ATRN: variants seen among roughly 807,000 people sequenced by gnomAD.
ATRN encodes attractin, also known as attractin-2.
In ATRN, 54 loss-of-function variants were observed where a neutral mutation model predicts 178.7. The observed-to-expected ratio is 0.30, with a 90% CI of 0.24 to 0.38. ATRN has a LOEUF of 0.38. ATRN is among the 10% of genes least tolerant of loss of function. The pLI, the probability that ATRN is intolerant of heterozygous loss-of-function variation, is 1.00. For missense variants in ATRN, 1,443 were observed against 1,815.1 expected (o/e 0.79, Z 3.73); for synonymous variants, 636 against 663.0 (o/e 0.96, Z 0.63).
At chr20:3,487,875 G>A (rs901283210) in intron 1 of ATRN, among the ~76,000 whole-genome samples, 1 of 152,128 alleles carries the variant, frequency 6.6e-6, no homozygotes, top group Non-Finnish European at 1.5e-5. Context: ...TTGCTTTTCT[G>A]TGCCTAAGAG....
At chr20:3,636,894 AC>A (rs1186692476) in intron 26 of ATRN, among the ~76,000 whole-genome samples, 1 of 152,234 alleles carries the variant, frequency 6.6e-6, no homozygotes, top group Non-Finnish European at 1.5e-5. Flanking sequence ...AAGTGTTGTT[AC>A]TATTGGAAAG....
intron 6 of ATRN, among the ~76,000 whole-genome samples, chr20:3,553,093 T>C (rs1008634454): frequency 6.6e-6 from 1 of 152,220 alleles, no homozygotes. Context: ...TCTGACACGA[T>C]AGGTCATATC....
Position 3,478,318 on chromosome 20 carries a change from C to T in ATRN, c.410+6801C>T, listed in dbSNP as rs187685766. On this transcript the variant is annotated intron_variant, in intron 1 of 28. Transcript: ENST00000262919. The stretch of plus-strand genomic sequence containing the variant: ...CCAACCACTGATGGGCTATCCAGCC[C>T]ATCAGTGATAGACTGGATAAAGAAA... 2.0e-3 allele frequency among the ~76,000 whole-genome samples: 305 copies of T among 152,252 alleles called. 1 individual carries two copies. The highest frequency in any genetic ancestry group is 7.1e-3 in the African/African-American group (294 of 41,538).
At chr20:3,575,783 C>T in intron 12 of ATRN, 44 bp from the exon 13 acceptor site, 1 of 1,556,138 alleles carries the variant, frequency 6.4e-7, no homozygotes, top group Non-Finnish European at 8.7e-7. Context: ...AGATTTTGCT[C>T]AATTGAAGTT....
chr20:3,528,848 T>C (rs2085410888), intron 1 of ATRN, among the ~76,000 whole-genome samples: 1 of 152,186 alleles, frequency 6.6e-6, no homozygotes, highest in African/African-American at 2.4e-5. Context: ...TTTCTCCCTC[T>C]GTCATCCAAG....
In ATRN at chr20:3,649,930, A is replaced by G. The variant is rs1465094052; in HGVS notation, c.*3083A>G. On this transcript the variant is annotated 3_prime_UTR_variant, in exon 29 of 29. Transcript: ENST00000262919. Reference sequence around the variant, plus strand: ...CCCATTTCCCCATGGAGAATTTGACATACCCTGGACTCCTGTGTGCCTCCT... The same window carrying G: ...CCCATTTCCCCATGGAGAATTTGACGTACCCTGGACTCCTGTGTGCCTCCT... 1 of 152,206 alleles carries G rather than the reference A, an allele frequency of 6.6e-6. No individual in the cohort carries two copies. The highest frequency in any genetic ancestry group is 1.5e-5 in the Non-Finnish European group (1 of 68,060). The allele number at this position is 152,206 out of a possible 1,614,324, so 9.4% of individuals were successfully genotyped here.
At chr20:3,485,071 G>A (rs1292329784) in intron 1 of ATRN, among the ~76,000 whole-genome samples, 1 of 151,958 alleles carries the variant, frequency 6.6e-6, no homozygotes, top group Non-Finnish European at 1.5e-5. Context: ...TGGTGGGGAT[G>A]GGGGTGTCAC....
At chr20:3,546,519 G>A (rs1344973063) in intron 4 of ATRN, among the ~76,000 whole-genome samples, 1 of 150,958 alleles carries the variant, frequency 6.6e-6, no homozygotes, top group Non-Finnish European at 1.5e-5. Flanking sequence ...AGCCTCTTGA[G>A]TAACTGGGAT....
chr20:3,620,274 T>C (rs2086886950), intron 24 of ATRN, among the ~76,000 whole-genome samples: 1 of 151,464 alleles, frequency 6.6e-6, no homozygotes, highest in Non-Finnish European at 1.5e-5. Flanking sequence ...TGAGACAGTC[T>C]CGCTCTGTCA....
At position 3,565,355 on chromosome 20, in the gene ATRN, C is replaced by T. The variant is rs763305313; in HGVS notation, c.1794C>T (p.Asp598=). The T allele has an allele frequency of 3.1e-6, 5 of 1,613,696 alleles. No individual in the cohort carries two copies. In the East Asian group the frequency reaches 8.9e-5, roughly 29 times the overall value. Residue 598 remains aspartate (D), a synonymous_variant, in exon 11 of 29, where the codon GAC becomes GAT. Transcript: ENST00000262919. The part of the protein sequence containing the change: ...SDFMAYDIAC[D]RWSVLPRPDL... ...TATTTTTCTTTCTCCTAGCCTGTGA[C>T]CGCTGGTCAGTGCTTCCCAGACCTG...
chr20:3,489,562 T>G, intron 1 of ATRN: 5 of 1,483,792 alleles, frequency 3.4e-6, no homozygotes, highest in Middle Eastern at 2.4e-4. Flanking sequence ...GATCCTCATA[T>G]GTCTTCTTAT....
chr20:3,493,077 A>G (rs1234131092), intron 1 of ATRN, among the ~76,000 whole-genome samples: 2 of 145,670 alleles, frequency 1.4e-5, no homozygotes, highest in African/African-American at 5.0e-5. Flanking sequence ...TATATTATAT[A>G]TAATTTAATA....
intron 1 of ATRN, among the ~76,000 whole-genome samples, chr20:3,512,107 A>ATATATATATATATATTTTT: frequency 1.7e-4 from 18 of 106,382 alleles, no homozygotes; most frequent in Non-Finnish European, 2.9e-4. Flanking sequence ...ATATATATAT[A>ATATATATATATATATTTTT]TTTTTTTTTT....
chr20:3,522,772 A>G (rs1375412924), intron 1 of ATRN, among the ~76,000 whole-genome samples: 1 of 152,126 alleles, frequency 6.6e-6, no homozygotes, highest in Non-Finnish European at 1.5e-5. Flanking sequence ...ACCCAGGCAA[A>G]TAGGGTCTGG....
At chr20:3,634,268 T>G in intron 25 of ATRN, 43 bp from the exon 26 acceptor site, 1 of 1,588,856 alleles carries the variant, frequency 6.3e-7, no homozygotes, top group Non-Finnish European at 8.6e-7. Flanking sequence ...GGGAGCTGAT[T>G]CTGGGGGCTG....
intron 27 of ATRN, among the ~76,000 whole-genome samples, chr20:3,641,983 G>A (rs960025778): frequency 1.1e-4 from 16 of 152,174 alleles, no homozygotes; most frequent in Admixed American, 6.5e-5. Flanking sequence ...TTAAAAAATA[G>A]ACAAGCCTAA....
chr20:3,580,710 G>T (rs1311318477), intron 15 of ATRN, among the ~76,000 whole-genome samples: 1 of 152,114 alleles, frequency 6.6e-6, no homozygotes, highest in East Asian at 1.9e-4. Context: ...TGAGCTGCAG[G>T]TAAGTTTGCA....
At chr20:3,516,831 G>T (rs953372651) in intron 1 of ATRN, among the ~76,000 whole-genome samples, 1 of 151,924 alleles carries the variant, frequency 6.6e-6, no homozygotes, top group Admixed American at 6.6e-5. Flanking sequence ...CTTTTTTATG[G>T]CTGTGTAGCA....
chr20:3,490,291 A>T, intron 1 of ATRN: 1 of 1,141,104 alleles, frequency 8.8e-7, no homozygotes, highest in Non-Finnish European at 1.3e-6. Context: ...AGAGGTCAAG[A>T]TGGGCTCCAG....
Sources: gnomAD v4.1 joint callset for allele counts (sites outside exome capture counted in the v4.1 genomes callset) on GRCh38, gnomAD v4.1.1 for gene constraint, MANE v1.5 for transcripts, NCBI Gene and HGNC (gene_info 2026-07-23, HGNC 2026-07-21) for gene names.